The following DMD variants were observed in gnomAD, a reference collection of about 807,000 sequenced individuals.
The protein encoded by DMD is mutant dystrophin.
A neutral mutation model predicts 330.1 loss-of-function variants in DMD; 63 were observed. The observed-to-expected ratio is 0.19, with a 90% CI of 0.16 to 0.24. DMD has a LOEUF of 0.24. Ranked by LOEUF, DMD falls within the 10% of genes least tolerant of loss-of-function variation. The pLI is 1.00. For missense variants in DMD, 3,344 were observed against 2,684.1 expected (o/e 1.25, Z -5.43); for synonymous variants, 1,223 against 959.8 (o/e 1.27, Z -5.07).
intron 45 of DMD, among the ~76,000 whole-genome samples, chrX:31,954,049 T>C (rs1184920257): frequency 9.0e-6 from 1 of 110,756 alleles, no homozygotes; most frequent in African/African-American, 3.3e-5. Flanking sequence ...TTGTCATGGA[T>C]AGACTCTAAT....
At chrX:33,146,034 G>C (rs2048012917) in intron 1 of DMD, among the ~76,000 whole-genome samples, 1 of 109,924 alleles carries the variant, frequency 9.1e-6, no homozygotes, top group African/African-American at 3.3e-5. Context: ...CTACAGGTGC[G>C]CACTACCACA....
At chrX:33,314,288 C>T (rs1225648477) in intron 1 of DMD, among the ~76,000 whole-genome samples, 1 of 109,995 alleles carries the variant, frequency 9.1e-6, no homozygotes, top group Non-Finnish European at 1.9e-5. Flanking sequence ...GAGTCTCAGT[C>T]ACTCTGTCGC....
At chrX:33,138,120 T>A (rs750436621) in intron 1 of DMD, among the ~76,000 whole-genome samples, 12 of 110,629 alleles carry the variant, frequency 1.1e-4, no homozygotes, top group Non-Finnish European at 2.3e-4. Context: ...AAAAAGAGAG[T>A]CCTACAGTAC....
intron 11 of DMD, among the ~76,000 whole-genome samples, chrX:32,620,293 T>C (rs1163764796): frequency 8.9e-6 from 1 of 111,794 alleles, no homozygotes; most frequent in Non-Finnish European, 1.9e-5. Context: ...ACTCTTCATA[T>C]AAAATTACAG....
At chrX:32,408,228 G>C (rs2098126934) in intron 30 of DMD, among the ~76,000 whole-genome samples, 1 of 111,923 alleles carries the variant, frequency 8.9e-6, no homozygotes, top group African/African-American at 3.2e-5. Context: ...TTTTCTAAAA[G>C]TGTAAGCTTT....
intron 2 of DMD, among the ~76,000 whole-genome samples, chrX:32,950,170 T>TGTA (rs1283852735): frequency 8.2e-5 from 9 of 110,122 alleles, no homozygotes; most frequent in Non-Finnish European, 1.1e-4. Flanking sequence ...AAAACAAATA[T>TGTA]GTAGTAGTAG....
At chrX:31,439,555 T>C (rs1163846723) in intron 60 of DMD, among the ~76,000 whole-genome samples, 2 of 112,258 alleles carry the variant, frequency 1.8e-5, no homozygotes, top group South Asian at 7.5e-4. Context: ...ATGTAAAGAA[T>C]CTAATAGCTG....
intron 62 of DMD, among the ~76,000 whole-genome samples, chrX:31,296,487 T>C (rs909921646): frequency 7.1e-5 from 8 of 112,003 alleles, no homozygotes; most frequent in East Asian, 2.8e-4. Context: ...ATCTGCAGTA[T>C]GTAGAAAGAT....
chrX:32,655,493 G>A (rs907320312), intron 9 of DMD, among the ~76,000 whole-genome samples: 4 of 112,270 alleles, frequency 3.6e-5, no homozygotes, highest in African/African-American at 1.3e-4. Context: ...TTGAACTGTG[G>A]TCTGAGAGAC....
Position 33,322,580 on chromosome X carries a change from T to C in DMD, c.7+16679A>G, listed in dbSNP as rs187656785. Among the ~76,000 whole-genome samples, 193 of 111,651 alleles carry C rather than the reference T, an allele frequency of 1.7e-3. 1 individual carries two copies. The highest frequency in any genetic ancestry group is 5.9e-3 in the African/African-American group (182 of 30,784). On this transcript the variant is annotated intron_variant, in intron 1 of 17. Coordinates refer to the DMD transcript ENST00000288447. ...TTGTACTCTAACCAGTGTCAGCTTG[T>C]TGAGGGCAGAAATCATTTCTGATTA... is the stretch of plus-strand genomic sequence containing the variant.
At chrX:32,332,609 A>G (rs1030588894) in intron 41 of DMD, among the ~76,000 whole-genome samples, 1 of 110,771 alleles carries the variant, frequency 9.0e-6, no homozygotes, top group African/African-American at 3.3e-5. Flanking sequence ...AGCAGCAGCA[A>G]AGGGGTCAAC....
At chrX:31,827,547 A>G in intron 49 of DMD, among the ~76,000 whole-genome samples, 1 of 111,979 alleles carries the variant, frequency 8.9e-6, no homozygotes. Context: ...GAAACAATGG[A>G]CTTAAATTAC....
intron 55 of DMD, among the ~76,000 whole-genome samples, chrX:31,511,601 T>C (rs1196608274): frequency 1.9e-5 from 2 of 106,521 alleles, no homozygotes; most frequent in African/African-American, 6.9e-5. Flanking sequence ...TCTGTTCTTG[T>C]GATAGTTTAC....
At chrX:31,742,590 T>C (rs2646302) in intron 51 of DMD, among the ~76,000 whole-genome samples, 24,463 of 110,756 alleles carry the variant, frequency 0.22, 2,108 homozygotes, top group East Asian at 0.52. Context: ...AAATAAGTAA[T>C]GGGAAAAGGA....
intron 9 of DMD, among the ~76,000 whole-genome samples, chrX:32,658,123 C>T (rs535677324): frequency 7.2e-5 from 8 of 111,440 alleles, no homozygotes; most frequent in African/African-American, 2.3e-4. Context: ...TGAGGAGAAC[C>T]TAAACATAAA....
At chrX:31,908,355 C>T (rs1200413595) in intron 47 of DMD, among the ~76,000 whole-genome samples, 2 of 111,579 alleles carry the variant, frequency 1.8e-5, no homozygotes, top group African/African-American at 6.5e-5. Context: ...GAAAATGTGG[C>T]ACATACACAC....
chrX:32,089,557 TA>T (rs1826247422), intron 44 of DMD, among the ~76,000 whole-genome samples: 1 of 111,684 alleles, frequency 9.0e-6, no homozygotes, highest in Non-Finnish European at 1.9e-5. Flanking sequence ...TCTGTTTCCA[TA>T]TAAGTTTGCT....
At chrX:32,729,222 C>A (rs957520048) in intron 7 of DMD, among the ~76,000 whole-genome samples, 1 of 111,667 alleles carries the variant, frequency 9.0e-6, no homozygotes, top group Non-Finnish European at 1.9e-5. Flanking sequence ...TATGGATGCT[C>A]AACTCGTATG....
chrX:32,644,409 A>T, intron 10 of DMD, 96 bp from the exon 11 acceptor site: 1 of 910,125 alleles, frequency 1.1e-6, no homozygotes, highest in East Asian at 3.1e-5. Context: ...CTTGTGGCCC[A>T]TTTAGATTTA....
Sources: allele counts gnomAD v4.1 joint callset (sites outside exome capture counted in the v4.1 genomes callset), GRCh38; gene constraint gnomAD v4.1.1; transcripts MANE v1.5; gene names NCBI Gene and HGNC (gene_info 2026-07-23, HGNC 2026-07-21).